MARCHF1: variants seen among roughly 807,000 people sequenced by gnomAD.
The protein encoded by MARCHF1 is E3 ubiquitin-protein ligase MARCHF1.
A neutral mutation model predicts 54.2 loss-of-function variants in MARCHF1; 40 were observed. The observed-to-expected ratio is 0.74, with a 90% confidence interval of 0.57 to 0.96. The LOEUF (loss-of-function observed/expected upper bound fraction) is 0.96. Among genes scored for constraint, MARCHF1 ranks in the 40% least tolerant of loss-of-function variants. The pLI, the probability that MARCHF1 is intolerant of heterozygous loss-of-function variation, is 0.00. For missense variants in MARCHF1, 586 were observed against 656.5 expected (o/e 0.89, Z 1.17); for synonymous variants, 236 against 236.3 (o/e 1.00, Z 0.01).
chr4:163,960,498 T>A (rs1158566678), intron 3 of MARCHF1, among the ~76,000 whole-genome samples: 2 of 152,028 alleles, frequency 1.3e-5, no homozygotes, highest in East Asian at 3.9e-4. Flanking sequence ...AGCTTGTGCC[T>A]TTTGAGGGAA....
chr4:164,314,246 G>A (rs1226743495), intron 1 of MARCHF1, among the ~76,000 whole-genome samples: 1 of 152,186 alleles, frequency 6.6e-6, no homozygotes, highest in Non-Finnish European at 1.5e-5. Flanking sequence ...TTAAGATGGA[G>A]TGTTCGTCAC....
chr4:164,030,441 A>C (rs1753854350), intron 2 of MARCHF1, among the ~76,000 whole-genome samples: 1 of 152,192 alleles, frequency 6.6e-6, no homozygotes, highest in Non-Finnish European at 1.5e-5. Flanking sequence ...ATAACCTTAG[A>C]TAATAATTTG....
intron 4 of MARCHF1, among the ~76,000 whole-genome samples, chr4:163,725,006 C>T (rs572435771): frequency 2.6e-5 from 4 of 152,206 alleles, no homozygotes; most frequent in Non-Finnish European, 2.9e-5. Context: ...GTGGGCTGCA[C>T]CTACTGTCCT....
At chr4:164,081,671 T>C (rs1755103764) in intron 2 of MARCHF1, among the ~76,000 whole-genome samples, 1 of 151,978 alleles carries the variant, frequency 6.6e-6, no homozygotes, top group Admixed American at 6.6e-5. Context: ...TAACTTGGTT[T>C]GGGAATTATG....
chr4:163,536,696 A>G (rs1354577958), intron 9 of MARCHF1, among the ~76,000 whole-genome samples: 1 of 152,164 alleles, frequency 6.6e-6, no homozygotes, highest in African/African-American at 2.4e-5. Flanking sequence ...AGTCCACTCA[A>G]GTTTCACCTC....
Position 164,370,266 on chromosome 4 carries a change from A to G in MARCHF1, c.-323+13604T>C, listed in dbSNP as rs936870555. On this transcript the variant is annotated intron_variant, in intron 1 of 9. Transcript: ENST00000514618. ...ATGGTGAGGGTGAAAAGAAGAAAGT[A>G]GTTATCTCTACCACCCCTACTACAA... Among the ~76,000 whole-genome samples the G allele has an allele frequency of 2.0e-5, 3 of 152,334 alleles. No homozygotes were observed. The East Asian group carries it at 5.8e-4, about 29-fold the overall frequency.
At chr4:163,709,259 T>C (rs577262189) in intron 4 of MARCHF1, among the ~76,000 whole-genome samples, 5 of 152,162 alleles carry the variant, frequency 3.3e-5, no homozygotes, top group Admixed American at 2.6e-4. Context: ...GCTTTTTCTT[T>C]AAACAACTTT....
intron 5 of MARCHF1, among the ~76,000 whole-genome samples, chr4:163,700,379 C>T (rs1463723989): frequency 6.6e-6 from 1 of 151,956 alleles, no homozygotes; most frequent in Admixed American, 6.6e-5. Flanking sequence ...GTGGTGGGCA[C>T]CGGTAATCCC....
At chr4:163,637,466 T>C (rs1742379953) in intron 5 of MARCHF1, among the ~76,000 whole-genome samples, 2 of 152,190 alleles carry the variant, frequency 1.3e-5, no homozygotes, top group African/African-American at 4.8e-5. Flanking sequence ...AGAAGACATT[T>C]ATGCAGCCAA....
intron 3 of MARCHF1, among the ~76,000 whole-genome samples, chr4:163,896,867 G>A (rs752526057): frequency 2.6e-5 from 4 of 152,046 alleles, no homozygotes; most frequent in East Asian, 1.9e-4. Flanking sequence ...TAATTATCCC[G>A]CTTCCTCTCT....
At chr4:164,245,705 C>G (rs937641711) in intron 1 of MARCHF1, among the ~76,000 whole-genome samples, 2 of 151,090 alleles carry the variant, frequency 1.3e-5, no homozygotes, top group African/African-American at 4.9e-5. Flanking sequence ...AAAACCCCAT[C>G]GTCTCAGCCC....
At chr4:163,868,287 C>A (rs895522654) in intron 3 of MARCHF1, among the ~76,000 whole-genome samples, 1 of 151,774 alleles carries the variant, frequency 6.6e-6, no homozygotes, top group South Asian at 2.1e-4. Flanking sequence ...ATGATGAATA[C>A]TATTTTGCTG....
At chr4:163,593,700 T>C (rs1560961921) in intron 7 of MARCHF1, among the ~76,000 whole-genome samples, 1 of 151,732 alleles carries the variant, frequency 6.6e-6, no homozygotes, top group Non-Finnish European at 1.5e-5. Flanking sequence ...CAAGTTGCCA[T>C]GGATAATTGA....
intron 5 of MARCHF1, among the ~76,000 whole-genome samples, chr4:163,624,877 T>C (rs1411900141): frequency 6.6e-6 from 1 of 152,246 alleles, no homozygotes; most frequent in Non-Finnish European, 1.5e-5. Context: ...TTTTCTTCTT[T>C]TTTATCTGTA....
chr4:164,183,433 C>G (rs551169290), intron 1 of MARCHF1, among the ~76,000 whole-genome samples: 1 of 152,070 alleles, frequency 6.6e-6, no homozygotes, highest in South Asian at 2.1e-4. Flanking sequence ...CCCATTTTTT[C>G]ATTTACCTTT....
At chr4:163,727,377 A>C (rs1197563916) in intron 4 of MARCHF1, among the ~76,000 whole-genome samples, 2 of 149,040 alleles carry the variant, frequency 1.3e-5, no homozygotes, top group African/African-American at 5.0e-5. Flanking sequence ...GCATGATTTC[A>C]GCTCACTTCA....
chr4:164,150,833 T>C (rs182960221), intron 1 of MARCHF1, among the ~76,000 whole-genome samples: 95 of 152,280 alleles, frequency 6.2e-4, no homozygotes, highest in African/African-American at 2.1e-3. Context: ...ATATGTTACA[T>C]AGCAAAGGAG....
intron 3 of MARCHF1, among the ~76,000 whole-genome samples, chr4:163,900,773 G>A (rs1326874560): frequency 6.6e-6 from 1 of 152,110 alleles, no homozygotes. Context: ...GCTTGGTATT[G>A]TGGTAGGTAC....
At chr4:164,339,998 A>T (rs935230902) in intron 1 of MARCHF1, among the ~76,000 whole-genome samples, 1 of 152,128 alleles carries the variant, frequency 6.6e-6, no homozygotes, top group Non-Finnish European at 1.5e-5. Flanking sequence ...CAATCTACCA[A>T]GACTAAATCA....
Sources: gnomAD v4.1 joint callset for allele counts (sites outside exome capture counted in the v4.1 genomes callset) on GRCh38, gnomAD v4.1.1 for gene constraint, MANE v1.5 for transcripts, NCBI Gene and HGNC (gene_info 2026-07-23, HGNC 2026-07-21) for gene names.